Variants in PRRC2B observed in about 807,000 individuals in gnomAD.
PRRC2B encodes the protein proline rich coiled-coil 2B, also known as protein PRRC2B.
In PRRC2B, 68 loss-of-function variants were observed where a neutral mutation model predicts 242.3. The observed-to-expected ratio is 0.28, with a 90% CI of 0.23 to 0.34. The LOEUF (loss-of-function observed/expected upper bound fraction) is 0.34. PRRC2B is among the 10% of genes least tolerant of loss of function. The probability of loss-of-function intolerance (pLI) is 1.00; values close to 1 mark genes in which losing one functional copy is unlikely to be tolerated. For synonymous variants in PRRC2B, 1,228 were observed against 1,173.6 expected (o/e 1.05, Z -0.95); for missense variants, 2,835 against 2,954.8 (o/e 0.96, Z 0.94).
chr9:131,376,406 G>A (rs1196093065), intron 1 of PRRC2B, among the ~76,000 whole-genome samples: 1 of 151,344 alleles, frequency 6.6e-6, no homozygotes, highest in Non-Finnish European at 1.5e-5. Flanking sequence ...TGCTTAGCAT[G>A]GTGCCAGACA....
intron 1 of PRRC2B, among the ~76,000 whole-genome samples, chr9:131,403,528 G>A (rs1180258556): frequency 6.6e-6 from 1 of 150,676 alleles, no homozygotes. Flanking sequence ...ATTTTTTTTT[G>A]TATTTTAGTA....
chr9:131,474,032 C>T (rs1274356819), intron 15 of PRRC2B, among the ~76,000 whole-genome samples: 1 of 152,200 alleles, frequency 6.6e-6, no homozygotes, highest in African/African-American at 2.4e-5. Context: ...TGGGTCTTGG[C>T]TCATTTCTGT....
At chr9:131,462,856 AG>A (rs1192952005) in intron 11 of PRRC2B, among the ~76,000 whole-genome samples, 1 of 147,204 alleles carries the variant, frequency 6.8e-6, no homozygotes, top group African/African-American at 2.5e-5. Context: ...AAAAAAAAAA[AG>A]GTCTCAGTGC....
intron 1 of PRRC2B, among the ~76,000 whole-genome samples, chr9:131,381,504 C>A (rs1208300299): frequency 6.8e-6 from 1 of 147,698 alleles, no homozygotes; most frequent in African/African-American, 2.5e-5. Context: ...CTGCAACCTC[C>A]GCCTCCCGGG....
At chr9:131,410,445 T>A (rs1588240026) in intron 1 of PRRC2B, among the ~76,000 whole-genome samples, 1 of 152,184 alleles carries the variant, frequency 6.6e-6, no homozygotes, top group East Asian at 1.9e-4. Context: ...CGTGGGCAGG[T>A]GGGGCCATTC....
intron 1 of PRRC2B, among the ~76,000 whole-genome samples, chr9:131,411,970 A>AT (rs5900936): frequency 1.1e-3 from 155 of 146,042 alleles, no homozygotes; most frequent in African/African-American, 2.5e-3. Flanking sequence ...CAGCTAATTA[A>AT]TTTTTTTTTT....
rs534489576 is a variant in PRRC2B at position 131,492,787 on chromosome 9, C to G, written c.6473+527C>G. 1.8e-4 allele frequency among the ~76,000 whole-genome samples: 27 copies of G among 152,326 alleles called. No homozygotes were observed. In the East Asian group the frequency reaches 5.0e-3, roughly 28 times the overall value. Reference sequence around the variant, plus strand: ...CTGTCTCCACCTCCAGCAACTGTCTCAGGTCCCCTTAGCTGGATACTCAGG... The same window carrying G: ...CTGTCTCCACCTCCAGCAACTGTCTGAGGTCCCCTTAGCTGGATACTCAGG... On this transcript the variant is annotated intron_variant, in intron 30 of 31. Coordinates refer to ENST00000683519, the MANE Select transcript of PRRC2B (RefSeq NM_013318.4).
chr9:131,410,633 A>G (rs971837795), intron 1 of PRRC2B, among the ~76,000 whole-genome samples: 6 of 152,328 alleles, frequency 3.9e-5, no homozygotes, highest in African/African-American at 1.4e-4. Context: ...CGGAGCCTTC[A>G]TGTCTATAAA....
Position 131,492,668 on chromosome 9 carries a change from C to T in PRRC2B, c.6473+408C>T, listed in dbSNP as rs532023667. On this transcript the variant is annotated intron_variant, in intron 30 of 31. Transcript: ENST00000683519. ...CAGCGTCTCTTTCCTCAGACTTGCC[C>T]TATGACCCCTGCCAGGGGACTTTTT... 1.2e-3 allele frequency among the ~76,000 whole-genome samples: 188 copies of T among 152,318 alleles called. 1 individual carries two copies. Among genetic ancestry groups the T allele is most frequent in the African/African-American group, 3.9e-3 (163 of 41,576 alleles).
rs376690335 is a variant in PRRC2B, at chr9:131,474,665, C to T, written c.2536C>T (p.His846Tyr). 6.2e-7 allele frequency: 1 copy of T among 1,613,492 alleles called. No individual in the cohort carries two copies. Among genetic ancestry groups the T allele is most frequent in the Non-Finnish European group, 8.5e-7 (1 of 1,179,744 alleles). ...TCAGGATGCAGGTGCTCCTGGGGGTCACACCCAAAACCTCAGGTGTTCCCC... is the reference window on the plus strand; with the variant it reads ...TCAGGATGCAGGTGCTCCTGGGGGTTACACCCAAAACCTCAGGTGTTCCCC... ...NVQDAGAPGG[H>Y]TQNLRCSPLE... Residue 846 changes from histidine to tyrosine, a missense_variant, in exon 16 of 32, where the codon CAC becomes TAC. Around this residue, in one of 7 missense-constraint regions of PRRC2B, gnomAD observed 1,536 missense variants for 1,483.1 expected, o/e 1.04. Transcript: ENST00000683519.
intron 1 of PRRC2B, among the ~76,000 whole-genome samples, chr9:131,418,383 G>T (rs1429613849): frequency 6.6e-6 from 1 of 152,212 alleles, no homozygotes; most frequent in Non-Finnish European, 1.5e-5. Flanking sequence ...TTACCTAGAG[G>T]TTAGGTGGGA....
intron 11 of PRRC2B, among the ~76,000 whole-genome samples, chr9:131,462,462 C>T (rs1029869235): frequency 2.0e-5 from 3 of 152,022 alleles, no homozygotes; most frequent in African/African-American, 4.8e-5. Context: ...ATCCACCTAC[C>T]TCGGCCTCCC....
At position 131,477,829 on chromosome 9, in the gene PRRC2B, C is replaced by T; in HGVS notation, c.4492C>T (p.His1498Tyr). The stretch of plus-strand genomic sequence containing the variant: ...CCCCTATGCCCTGGAGCGGGCAGCC[C>T]ATGCCAGTGCTGACCTTCCCGAAGC... ...HSPYALERAA[H>Y]ASADLPEASS... The change falls in exon 17 of 32, where the codon CAT becomes TAT. Residue 1498 changes from histidine to tyrosine, a missense_variant. By Grantham distance (83) the His-to-Tyr change is moderately conservative (BLOSUM62 2). Transcript: ENST00000683519. The T allele has an allele frequency of 6.2e-7, 1 of 1,613,466 alleles. No homozygotes were observed. The highest frequency in any genetic ancestry group is 1.1e-5 in the South Asian group (1 of 91,060).
chr9:131,482,616 G>GTCTCATCATCTTCC lies in PRRC2B; in HGVS notation c.5175+57_5175+70dup. 5.9e-6 allele frequency: 9 copies of GTCTCATCATCTTCC among 1,535,626 alleles called. No homozygotes were observed. Among genetic ancestry groups the GTCTCATCATCTTCC allele is most frequent in the African/African-American group, 1.4e-5 (1 of 72,460 alleles). On this transcript the variant is annotated intron_variant, in intron 21 of 31. Transcript: ENST00000683519. This position sits in a 1 kb window ranked among gnomAD's most constrained non-coding sequence, Gnocchi z 5.2. ...CAGGGCCTGGGTGGAAGGGGCCATC[G>GTCTCATCATCTTCC]TCTCATCATCTTCCTCAATTCCTGG...
chr9:131,467,837 C>T (rs1430478248), intron 13 of PRRC2B, 84 bp downstream of exon 13: 5 of 1,400,940 alleles, frequency 3.6e-6, no homozygotes, highest in East Asian at 2.3e-5. Flanking sequence ...CCATGCCCCA[C>T]CTCCAACTTA....
At chr9:131,454,738 C>G (rs759003845) in intron 9 of PRRC2B, among the ~76,000 whole-genome samples, 4 of 151,964 alleles carry the variant, frequency 2.6e-5, no homozygotes, top group African/African-American at 7.3e-5. Flanking sequence ...TGCGTTCAAG[C>G]GATTCTCCTG....
intron 2 of PRRC2B, among the ~76,000 whole-genome samples, chr9:131,431,881 C>T (rs1018421880): frequency 2.0e-5 from 3 of 151,740 alleles, no homozygotes; most frequent in Admixed American, 6.6e-5. Context: ...CCACCGCGCC[C>T]GGCCATCCTT....
chr9:131,399,623 T>C (rs979278285), intron 1 of PRRC2B, among the ~76,000 whole-genome samples: 3 of 152,062 alleles, frequency 2.0e-5, no homozygotes, highest in East Asian at 1.9e-4. Flanking sequence ...AAAATAAATA[T>C]ATAAATCACT....
chr9:131,383,337 A>G lies in PRRC2B; in HGVS notation c.-56+9606A>G, dbSNP rs1205816711. On this transcript the variant is annotated intron_variant, in intron 1 of 1. Transcript: ENST00000682525. ...AGAGCATTTGAAAGCGGCCAGTCCA[A>G]GAATCCTGGAACAGCTCATGACTGC... is the stretch of plus-strand genomic sequence containing the variant. 3.3e-5 allele frequency among the ~76,000 whole-genome samples: 5 copies of G among 152,320 alleles called. No homozygotes were observed. The East Asian group carries it at 7.7e-4, about 24-fold the overall frequency.
Sources: gnomAD v4.1 joint callset for allele counts (sites outside exome capture counted in the v4.1 genomes callset) on GRCh38, gnomAD v4.1.1 for gene constraint, gnomAD v4.1.1 regional missense constraint, Gnocchi (gnomAD v3.1) non-coding constraint, MANE v1.5 for transcripts, NCBI Gene and HGNC (gene_info 2026-07-23, HGNC 2026-07-21) for gene names.